The following SLC16A9 variants were observed in gnomAD, a reference collection of about 807,000 sequenced individuals.
SLC16A9 encodes the protein monocarboxylate transporter 9.
A neutral mutation model predicts 44.3 loss-of-function variants in SLC16A9; 26 were observed. The ratio of observed to expected loss-of-function variants is 0.59; its 90% CI spans 0.43 to 0.81. The LOEUF (loss-of-function observed/expected upper bound fraction) is 0.81. Among genes scored for constraint, SLC16A9 ranks in the 40% least tolerant of loss-of-function variants. The pLI, the probability that SLC16A9 is intolerant of heterozygous loss-of-function variation, is 0.00. For missense variants in SLC16A9, 559 were observed against 595.8 expected, an observed-to-expected ratio of 0.94 and a Z score of 0.64; for synonymous variants, 230 against 225.1, an observed-to-expected ratio of 1.02 and a Z score of -0.19.
In SLC16A9 at chr10:59,698,374, C is replaced by A. The variant is rs12261965; in HGVS notation, c.-37+11105G>T. On this transcript the variant is annotated intron_variant, in intron 1 of 5. Transcript: ENST00000395348. ...GACTTGCTGTATTTGACTCTGTCCCCACTGGTGGTGGCAATGCTATTAACC... is the reference window on the plus strand; with the variant it reads ...GACTTGCTGTATTTGACTCTGTCCCAACTGGTGGTGGCAATGCTATTAACC... Among the ~76,000 whole-genome samples, 6 of 152,284 alleles carry A rather than the reference C, an allele frequency of 3.9e-5. No individual in the cohort carries two copies. In the East Asian group the frequency reaches 9.6e-4, roughly 24 times the overall value.
At chr10:59,695,544 CG>C (rs1840352528) in intron 1 of SLC16A9, among the ~76,000 whole-genome samples, 1 of 152,106 alleles carries the variant, frequency 6.6e-6, no homozygotes. Context: ...TTCATAAATA[CG>C]AGCCCCCCCA....
In SLC16A9 at chr10:59,709,808, T is replaced by A. The variant is rs1329431801; in HGVS notation, c.-366A>T. On this transcript the variant is annotated 5_prime_UTR_variant, in exon 1 of 6. It adds an upstream start codon to the 5' untranslated region. Coordinates refer to ENST00000395348, the MANE Select transcript of SLC16A9 (RefSeq NM_194298.3). The stretch of plus-strand genomic sequence containing the variant: ...CCTCCCCGGGGTTTTCCCTGCTGTC[T>A]TTTTCTCCCTTGTCTCTCTTTGCGG... 1 of 152,748 alleles carries A rather than the reference T, an allele frequency of 6.5e-6. No individual in the cohort carries two copies. The highest frequency in any genetic ancestry group is 1.9e-4 in the East Asian group (1 of 5,186). The allele number at this position is 152,748 out of a possible 1,614,324, so 9.5% of individuals were successfully genotyped here.
At chr10:59,692,904 A>T (rs1840282459) in intron 1 of SLC16A9, among the ~76,000 whole-genome samples, 1 of 152,226 alleles carries the variant, frequency 6.6e-6, no homozygotes, top group African/African-American at 2.4e-5. Flanking sequence ...ACTTTTTGGG[A>T]ATTCTAAAAC....
chr10:59,654,111 T>G lies in SLC16A9; in HGVS notation c.915A>C (p.Val305=). The part of the protein sequence containing the change: ...GETVALFKNK[V]FSALFIAILL... ...AGATAGCAATGAAAAGGGCTGAAAATACTTTGTTTTTAAAAAGAGCCACAG... is the reference window on the plus strand; with the variant it reads ...AGATAGCAATGAAAAGGGCTGAAAAGACTTTGTTTTTAAAAAGAGCCACAG... Residue 305 remains valine (V), a synonymous_variant, in exon 5 of 6, where the codon GTA becomes GTC. Transcript: ENST00000395348. The G allele has an allele frequency of 6.2e-7, 1 of 1,614,088 alleles. No individual in the cohort carries two copies.
chr10:59,671,764 T>C (rs1177270750), intron 3 of SLC16A9, among the ~76,000 whole-genome samples: 1 of 150,740 alleles, frequency 6.6e-6, no homozygotes, highest in African/African-American at 2.4e-5. Flanking sequence ...CTACTGAGTG[T>C]CAGACTGAGC....
chr10:59,680,915 C>T (rs891917969), intron 2 of SLC16A9, among the ~76,000 whole-genome samples: 4 of 151,802 alleles, frequency 2.6e-5, no homozygotes, highest in African/African-American at 4.8e-5. Context: ...CCCGGGAGGT[C>T]GAGGTTGCAG....
At chr10:59,684,747 A>G (rs530826335) in intron 1 of SLC16A9, among the ~76,000 whole-genome samples, 84 of 152,326 alleles carry the variant, frequency 5.5e-4, no homozygotes, top group African/African-American at 1.6e-3. Context: ...CACAGATGGC[A>G]GAGGGAGAAG....
At chr10:59,657,065 A>C (rs572562109) in intron 4 of SLC16A9, among the ~76,000 whole-genome samples, 1 of 152,262 alleles carries the variant, frequency 6.6e-6, no homozygotes, top group South Asian at 2.1e-4. Flanking sequence ...CAAATACTCA[A>C]CTCTGCCCTT....
chr10:59,652,715 T>G lies in SLC16A9; in HGVS notation c.*57A>C. On this transcript the variant is annotated 3_prime_UTR_variant, in exon 6 of 6. Transcript: ENST00000395348. ...CTAGAAAATTTGCTTGAGAATCTGT[T>G]AAAATATCGTTGCTATATGGTATAA... 6.9e-7 allele frequency: 1 copy of G among 1,458,102 alleles called. No homozygotes were observed. Among genetic ancestry groups the G allele is most frequent in the Non-Finnish European group, 9.2e-7 (1 of 1,091,648 alleles). The allele number at this position is 1,458,102 out of a possible 1,614,324, so 90.3% of individuals were successfully genotyped here.
chr10:59,696,121 C>G (rs1194842842), intron 1 of SLC16A9, among the ~76,000 whole-genome samples: 1 of 152,082 alleles, frequency 6.6e-6, no homozygotes, highest in Admixed American at 6.5e-5. Context: ...GTCTCCCTCT[C>G]CCTCTCTTGC....
chr10:59,704,911 T>C (rs1356706833), intron 1 of SLC16A9, among the ~76,000 whole-genome samples: 4 of 152,246 alleles, frequency 2.6e-5, no homozygotes, highest in Non-Finnish European at 4.4e-5. Flanking sequence ...CAAAGTAGTA[T>C]GTTTACTGTA....
intron 4 of SLC16A9, among the ~76,000 whole-genome samples, chr10:59,663,701 T>C (rs1297455019): frequency 6.6e-6 from 1 of 152,042 alleles, no homozygotes; most frequent in Non-Finnish European, 1.5e-5. Context: ...GGCACATGTA[T>C]ACCTATGTAA....
chr10:59,659,381 T>C (rs1374007858), intron 4 of SLC16A9, among the ~76,000 whole-genome samples: 1 of 152,062 alleles, frequency 6.6e-6, no homozygotes, highest in Non-Finnish European at 1.5e-5. Flanking sequence ...TTTTCTCCTA[T>C]CTTTAAAGAA....
intron 1 of SLC16A9, among the ~76,000 whole-genome samples, chr10:59,699,716 A>G (rs779820675): frequency 6.6e-6 from 1 of 151,908 alleles, no homozygotes; most frequent in Non-Finnish European, 1.5e-5. Context: ...CCCTTTAGAC[A>G]TAACTGGTAG....
At chr10:59,699,826 C>G (rs1840482090) in intron 1 of SLC16A9, among the ~76,000 whole-genome samples, 1 of 151,868 alleles carries the variant, frequency 6.6e-6, no homozygotes, top group East Asian at 1.9e-4. Flanking sequence ...TCTCCTCCTT[C>G]CCTGCCATAA....
Position 59,705,810 on chromosome 10 carries a change from G to C in SLC16A9, c.-37+3669C>G, listed in dbSNP as rs140964074. Reference sequence around the variant, plus strand: ...GGAAACTCATAAAACTGAAATTAAAGGCAAAAAGTACAGTTAAGGATGTTG... The same window carrying C: ...GGAAACTCATAAAACTGAAATTAAACGCAAAAAGTACAGTTAAGGATGTTG... On this transcript the variant is annotated intron_variant, in intron 1 of 5. Coordinates refer to ENST00000395348, the MANE Select transcript of SLC16A9 (RefSeq NM_194298.3). 1.2e-3 allele frequency among the ~76,000 whole-genome samples: 189 copies of C among 152,150 alleles called. 1 individual carries two copies. The highest frequency in any genetic ancestry group is 4.5e-3 in the African/African-American group (188 of 41,514).
At chr10:59,689,969 A>G (rs1248402390) in intron 1 of SLC16A9, among the ~76,000 whole-genome samples, 1 of 152,218 alleles carries the variant, frequency 6.6e-6, no homozygotes, top group African/African-American at 2.4e-5. Flanking sequence ...CAAATTAACT[A>G]AAACTTCCAC....
chr10:59,706,122 C>A (rs1840630855), intron 1 of SLC16A9, among the ~76,000 whole-genome samples: 1 of 152,200 alleles, frequency 6.6e-6, no homozygotes, highest in African/African-American at 2.4e-5. Context: ...TTGAATGAAC[C>A]TCTCCTTTCC....
chr10:59,701,247 C>G (rs1196717818), intron 1 of SLC16A9, among the ~76,000 whole-genome samples: 1 of 152,178 alleles, frequency 6.6e-6, no homozygotes, highest in Non-Finnish European at 1.5e-5. Context: ...TGCAATCAGA[C>G]TCTTCCTCTC....
Sources: gnomAD v4.1 joint callset for allele counts (sites outside exome capture counted in the v4.1 genomes callset) on GRCh38, gnomAD v4.1.1 for gene constraint, MANE v1.5 for transcripts, NCBI Gene and HGNC (gene_info 2026-07-23, HGNC 2026-07-21) for gene names.